Variants in FGL1 observed in about 807,000 individuals in gnomAD.
FGL1 encodes fibrinogen like 1, also known as fibrinogen-like protein 1.
In FGL1, 59 loss-of-function variants were observed where a neutral mutation model predicts 43.7. That is an observed-to-expected ratio of 1.35 (90% CI 1.10 to 1.68). The LOEUF is 1.68. Among genes scored for constraint, FGL1 ranks in the 40% most tolerant of loss-of-function variants. The pLI, the probability that FGL1 is intolerant of heterozygous loss-of-function variation, is 0.00. For synonymous variants in FGL1, 192 were observed against 126.5 expected, an observed-to-expected ratio of 1.52 and a Z score of -3.48; for missense variants, 596 against 373.0, an observed-to-expected ratio of 1.60 and a Z score of -4.92.
At chr8:17,891,261 G>A (rs1179184185) in intron 1 of FGL1, 1 of 152,118 alleles carries the variant, frequency 6.6e-6, no homozygotes, top group Non-Finnish European at 1.5e-5. Flanking sequence ...TCACAGTTCT[G>A]GAGGATACAA....
intron 5 of FGL1, among the ~76,000 whole-genome samples, chr8:17,869,346 A>G (rs2053322114): frequency 6.6e-6 from 1 of 152,216 alleles, no homozygotes; most frequent in South Asian, 2.1e-4. Context: ...TTTACCTTTA[A>G]TAGTTTGACC....
Position 17,887,977 on chromosome 8 carries a change from T to C in FGL1, c.-17-2406A>G, listed in dbSNP as rs1395641039. ...CTTAGTAAATATTTTTTCTTTAAAA[T>C]TCAATTGTATATTGAGTATGTACCT... On this transcript the variant is annotated intron_variant, in intron 1 of 7. Coordinates refer to ENST00000427924, the MANE Select transcript of FGL1 (RefSeq NM_004467.4). Among the ~76,000 whole-genome samples the C allele has an allele frequency of 2.0e-5, 3 of 152,192 alleles. No homozygotes were observed. In the East Asian group the frequency reaches 5.8e-4, roughly 29 times the overall value.
At chr8:17,876,516 G>A (rs1219765591) in intron 3 of FGL1, among the ~76,000 whole-genome samples, 1 of 152,100 alleles carries the variant, frequency 6.6e-6, no homozygotes, top group Non-Finnish European at 1.5e-5. Flanking sequence ...TCATATACAT[G>A]CTAAATTATA....
At chr8:17,893,117 C>T (rs991169140) in intron 1 of FGL1, among the ~76,000 whole-genome samples, 6 of 152,150 alleles carry the variant, frequency 3.9e-5, no homozygotes, top group Admixed American at 1.3e-4. Context: ...ATGAGAATTG[C>T]TTGAACCTGG....
chr8:17,890,996 A>G (rs746262489), intron 1 of FGL1, among the ~76,000 whole-genome samples: 1 of 152,152 alleles, frequency 6.6e-6, no homozygotes, highest in Non-Finnish European at 1.5e-5. Flanking sequence ...CACACACTTC[A>G]TATCTCTATC....
chr8:17,878,526 C>G (rs1286370579), intron 3 of FGL1, among the ~76,000 whole-genome samples: 1 of 152,050 alleles, frequency 6.6e-6, no homozygotes, highest in Non-Finnish European at 1.5e-5. Flanking sequence ...AAGTGAACGG[C>G]GGTGGTGACG....
At chr8:17,887,369 A>G (rs1257894406) in intron 1 of FGL1, among the ~76,000 whole-genome samples, 1 of 152,210 alleles carries the variant, frequency 6.6e-6, no homozygotes, top group African/African-American at 2.4e-5. Context: ...GTATAGGCAC[A>G]CTATTCTGCT....
At chr8:17,883,755 C>A (rs1363672922) in intron 2 of FGL1, among the ~76,000 whole-genome samples, 1 of 147,786 alleles carries the variant, frequency 6.8e-6, no homozygotes, top group South Asian at 2.1e-4. Context: ...AGTCATGGAA[C>A]CTCTCCCAGC....
At chr8:17,869,521 C>T (rs1053471256) in intron 5 of FGL1, among the ~76,000 whole-genome samples, 1 of 152,148 alleles carries the variant, frequency 6.6e-6, no homozygotes, top group African/African-American at 2.4e-5. Flanking sequence ...AAAAGATCAG[C>T]CAGGAAACCC....
intron 5 of FGL1, among the ~76,000 whole-genome samples, chr8:17,869,632 A>C (rs989183256): frequency 6.6e-6 from 1 of 152,178 alleles, no homozygotes; most frequent in African/African-American, 2.4e-5. Context: ...GCATCAAAGT[A>C]TGTAGAGTGG....
At chr8:17,876,052 G>C (rs185384867) in intron 3 of FGL1, among the ~76,000 whole-genome samples, 3 of 152,258 alleles carry the variant, frequency 2.0e-5, no homozygotes, top group Admixed American at 1.3e-4. Flanking sequence ...CTAGGTTTTA[G>C]GATGATTGAA....
At chr8:17,890,307 C>T (rs751844005) in intron 1 of FGL1, among the ~76,000 whole-genome samples, 2 of 152,158 alleles carry the variant, frequency 1.3e-5, no homozygotes, top group Non-Finnish European at 2.9e-5. Flanking sequence ...CTGGGCAAAC[C>T]GGGATATTTG....
intron 3 of FGL1, among the ~76,000 whole-genome samples, chr8:17,875,574 T>C (rs1490259167): frequency 3.4e-4 from 8 of 23,654 alleles, no homozygotes; most frequent in African/African-American, 5.8e-4. Context: ...TCTTTCTTTC[T>C]TTCTTTCTTT....
At chr8:17,884,633 G>C (rs1163652182) in intron 2 of FGL1, among the ~76,000 whole-genome samples, 1 of 152,100 alleles carries the variant, frequency 6.6e-6, no homozygotes, top group Non-Finnish European at 1.5e-5. Context: ...ATGGTGTCTG[G>C]GTCCTGAGTT....
chr8:17,872,721 C>G (rs773640551), intron 5 of FGL1, among the ~76,000 whole-genome samples: 5 of 152,058 alleles, frequency 3.3e-5, no homozygotes, highest in Non-Finnish European at 7.4e-5. Flanking sequence ...CAGACTACAA[C>G]AGAGGTAGGG....
intron 5 of FGL1, among the ~76,000 whole-genome samples, chr8:17,870,917 C>G (rs1480307642): frequency 6.6e-6 from 1 of 151,016 alleles, no homozygotes; most frequent in Admixed American, 6.6e-5. Context: ...AAAAAAAAAG[C>G]CATTTTTTAG....
chr8:17,882,707 A>T (rs913800338), intron 2 of FGL1: 1 of 138,694 alleles, frequency 7.2e-6, no homozygotes, highest in Admixed American at 8.1e-5. Context: ...AATGTATATT[A>T]TATATTATAT....
Position 17,885,556 on chromosome 8 carries a change from T to C in FGL1, c.-2A>G, listed in dbSNP as rs773421975. The C allele has an allele frequency of 1.9e-6, 3 of 1,613,064 alleles. No homozygotes were observed. In the South Asian group the frequency reaches 3.3e-5, roughly 18 times the overall value. ...GATGAAACTGAACACCTTTGCCATG[T>C]TCCCCCTTGAAAAAACTGCAAGAAC... On this transcript the variant is annotated 5_prime_UTR_variant, in exon 2 of 8. Coordinates refer to ENST00000427924, the MANE Select transcript of FGL1 (RefSeq NM_004467.4).
chr8:17,891,155 T>C (rs552301304), intron 1 of FGL1: 3 of 152,294 alleles, frequency 2.0e-5, no homozygotes, highest in East Asian at 1.9e-4. Flanking sequence ...ACTGCCCTAA[T>C]GCTAGGTGGA....
Sources: allele counts gnomAD v4.1 joint callset (sites outside exome capture counted in the v4.1 genomes callset), GRCh38; gene constraint gnomAD v4.1.1; transcripts MANE v1.5; gene names NCBI Gene and HGNC (gene_info 2026-07-23, HGNC 2026-07-21).